Variants in KCNA6 observed in about 807,000 individuals in gnomAD.
KCNA6 encodes the protein potassium voltage-gated channel subfamily A member 6.
KCNA6 carries 17 observed loss-of-function variants against 29.5 expected under a neutral mutation model. That is an observed-to-expected ratio of 0.58 (90% confidence interval 0.39 to 0.86). The LOEUF (loss-of-function observed/expected upper bound fraction) is 0.86, where lower values mean the gene tolerates loss of function less well. KCNA6 is among the 40% of genes least tolerant of loss of function. The probability of loss-of-function intolerance (pLI) is 0.00; values close to 1 mark genes in which losing one functional copy is unlikely to be tolerated. For synonymous variants in KCNA6, 296 were observed against 304.7 expected (o/e 0.97, Z 0.30); for missense variants, 450 against 703.4 (o/e 0.64, Z 4.07).
Position 4,811,038 on chromosome 12 carries a change from C to T in KCNA6, c.997C>T (p.Gln333Ter). Reference sequence around the variant, plus strand: ...CAGTGGAGGAGGCGGCCAGAATGGGCAGCAGGCCATGTCCCTGGCCATCCT... The same window carrying T: ...CAGTGGAGGAGGCGGCCAGAATGGGTAGCAGGCCATGTCCCTGGCCATCCT... The change falls in exon 1 of 1, where the codon CAG (glutamine) becomes TAG (stop). Residue 333 changes from glutamine (Q) to a stop codon, truncating the protein, a stop_gained. Coordinates refer to ENST00000280684, the Ensembl canonical transcript of KCNA6. LOFTEE classifies it high-confidence loss of function. The surrounding 1 kb of genome is among the most constrained non-coding windows in gnomAD (Gnocchi z 7.1). 1 of 1,614,222 alleles carries T rather than the reference C, an allele frequency of 6.2e-7. No individual in the cohort carries two copies. Among genetic ancestry groups the T allele is most frequent in the Non-Finnish European group, 8.5e-7 (1 of 1,180,050 alleles).
chr12:4,828,091 CA>C, the KCNA6 span, among the ~76,000 whole-genome samples: 1 of 152,150 alleles, frequency 6.6e-6, no homozygotes, highest in African/African-American at 2.4e-5. Flanking sequence ...ATTTCTCCCC[CA>C]GACTAACTTT....
chr12:4,838,631 A>G, the KCNA6 span, among the ~76,000 whole-genome samples: 2 of 152,228 alleles, frequency 1.3e-5, no homozygotes, highest in African/African-American at 4.8e-5. Context: ...ATCTGCCATA[A>G]CTAAATACCA....
the KCNA6 span, among the ~76,000 whole-genome samples, chr12:4,823,586 G>A: frequency 6.6e-6 from 1 of 152,032 alleles, no homozygotes; most frequent in African/African-American, 2.4e-5. Flanking sequence ...GGCCAATATG[G>A]TGAAACTCCA....
the KCNA6 span, among the ~76,000 whole-genome samples, chr12:4,840,025 C>T: frequency 6.6e-6 from 1 of 151,878 alleles, no homozygotes; most frequent in Non-Finnish European, 1.5e-5. Context: ...GAAAAAACTT[C>T]CATCATGAAA....
At chr12:4,849,489 C>CTTTTTTTTTTTT in the KCNA6 span, among the ~76,000 whole-genome samples, 3 of 101,432 alleles carry the variant, frequency 3.0e-5, no homozygotes, top group African/African-American at 1.2e-4. Context: ...GATTTTTGCT[C>CTTTTTTTTTTTT]TTTTTTTTTT....
chr12:4,817,140 G>T (rs1011142180), downstream of KCNA6, among the ~76,000 whole-genome samples: 3 of 152,206 alleles, frequency 2.0e-5, no homozygotes, highest in African/African-American at 7.2e-5. Flanking sequence ...AAGTGGGGAG[G>T]AAAGTGTCCT....
In KCNA6 at chr12:4,809,901, G is replaced by T. The variant is rs1019163634; in HGVS notation, c.-141G>T. 30 of 979,962 alleles carry T rather than the reference G, an allele frequency of 3.1e-5. 1 individual carries two copies. The Middle Eastern group carries it at 2.4e-3, about 79-fold the overall frequency. The allele number at this position is 979,962 out of a possible 1,614,324, so 60.7% of individuals were successfully genotyped here. On this transcript the variant is annotated 5_prime_UTR_variant, in exon 1 of 1. Transcript: ENST00000280684. ...GGCTTTAGGGCTCACGGACCCAACG[G>T]CCAGGTCAGACCGCGAACCGGGAGG...
chr12:4,821,426 G>T, the KCNA6 span, among the ~76,000 whole-genome samples: 1 of 85,492 alleles, frequency 1.2e-5, no homozygotes, highest in South Asian at 5.0e-4. Context: ...GGATGTGTGT[G>T]TGTGTGTGTG....
chr12:4,826,686 A>T, the KCNA6 span, among the ~76,000 whole-genome samples: 2 of 152,220 alleles, frequency 1.3e-5, no homozygotes, highest in African/African-American at 2.4e-5. Flanking sequence ...TTCTGCTTGA[A>T]AATTCTGCGG....
At chr12:4,840,225 ATCTATCTATC>A in the KCNA6 span, among the ~76,000 whole-genome samples, 55 of 134,968 alleles carry the variant, frequency 4.1e-4, no homozygotes, top group East Asian at 7.3e-3. Context: ...CTATCTATCT[ATCTATCTATC>A]TATCTATCTC....
At chr12:4,822,559 T>C in the KCNA6 span, among the ~76,000 whole-genome samples, 1 of 152,186 alleles carries the variant, frequency 6.6e-6, no homozygotes, top group Non-Finnish European at 1.5e-5. Flanking sequence ...CTGTGTCCAG[T>C]TAAGCAGGCA....
chr12:4,814,104 A>G (rs1438962566), downstream of KCNA6: 1 of 167,088 alleles, frequency 6.0e-6, no homozygotes, highest in Non-Finnish European at 1.5e-5. The surrounding 1 kb of genome is among the most constrained non-coding windows in gnomAD (Gnocchi z 4.6). Context: ...ACTTTTGGAA[A>G]ATGTGGAGGA....
the KCNA6 span, among the ~76,000 whole-genome samples, chr12:4,826,863 A>G: frequency 2.0e-5 from 3 of 152,364 alleles, no homozygotes; most frequent in South Asian, 2.1e-4. Flanking sequence ...ACTCCAGTCT[A>G]TTATTTTACA....
chr12:4,835,232 T>A, the KCNA6 span, among the ~76,000 whole-genome samples: 14 of 122,542 alleles, frequency 1.1e-4, no homozygotes, highest in South Asian at 1.2e-3. Context: ...CCTCCCGGGT[T>A]CACACCATTC....
chr12:4,850,547 G>A, the KCNA6 span, among the ~76,000 whole-genome samples: 1 of 152,100 alleles, frequency 6.6e-6, no homozygotes, highest in East Asian at 1.9e-4. The surrounding 1 kb of genome is among the most constrained non-coding windows in gnomAD (Gnocchi z 5.4). Flanking sequence ...AGTTCAGTGG[G>A]TGGCAGTGGG....
the KCNA6 span, among the ~76,000 whole-genome samples, chr12:4,818,525 CA>C: frequency 4.6e-5 from 7 of 152,134 alleles, no homozygotes; most frequent in African/African-American, 1.7e-4. Flanking sequence ...TGTACAATGT[CA>C]GCTGTTATTA....
the KCNA6 span, among the ~76,000 whole-genome samples, chr12:4,827,318 T>C: frequency 1.3e-5 from 2 of 152,000 alleles, no homozygotes; most frequent in African/African-American, 4.8e-5. Context: ...ATGAAGCCTA[T>C]CCTAGTTATT....
chr12:4,835,942 T>G, the KCNA6 span, among the ~76,000 whole-genome samples: 1 of 150,044 alleles, frequency 6.7e-6, no homozygotes, highest in Non-Finnish European at 1.5e-5. Flanking sequence ...CTGTTTTTTT[T>G]TTTTTTTTTT....
the KCNA6 span, among the ~76,000 whole-genome samples, chr12:4,850,204 T>C: frequency 1.3e-5 from 2 of 151,934 alleles, no homozygotes; most frequent in Admixed American, 6.6e-5. This position sits in a 1 kb window ranked among gnomAD's most constrained non-coding sequence, Gnocchi z 5.4. Flanking sequence ...CATTCCGGCA[T>C]GGTAGGGGCG....
Sources: allele counts gnomAD v4.1 joint callset (sites outside exome capture counted in the v4.1 genomes callset), GRCh38; gene constraint gnomAD v4.1.1; non-coding constraint Gnocchi (gnomAD v3.1); transcripts MANE v1.5; gene names NCBI Gene and HGNC (gene_info 2026-07-23, HGNC 2026-07-21).